The following TRAPPC12 variants were observed in gnomAD, a reference collection of about 807,000 sequenced individuals.
The protein encoded by TRAPPC12 is trafficking protein particle complex subunit 12, also known as TPR repeat protein 15.
In TRAPPC12, 61 loss-of-function variants were observed where a neutral mutation model predicts 69.2. The ratio of observed to expected loss-of-function variants is 0.88; its 90% confidence interval spans 0.72 to 1.09. TRAPPC12 has a LOEUF of 1.09. Among genes scored for constraint, TRAPPC12 ranks in the 50% least tolerant of loss-of-function variants. The pLI is 0.00. For missense variants in TRAPPC12, 1,101 were observed against 1,016.4 expected, an observed-to-expected ratio of 1.08 and a Z score of -1.13; for synonymous variants, 469 against 438.9, an observed-to-expected ratio of 1.07 and a Z score of -0.86.
intron 8 of TRAPPC12, chr2:3,463,107 A>G: frequency 5.2e-6 from 2 of 387,732 alleles, no homozygotes; most frequent in South Asian, 3.8e-5. Context: ...AGCCAAATCC[A>G]CAGGATCTGG....
intron 6 of TRAPPC12, among the ~76,000 whole-genome samples, chr2:3,453,219 C>T (rs1664943148): frequency 6.6e-6 from 1 of 152,234 alleles, no homozygotes; most frequent in Admixed American, 6.5e-5. Context: ...GCGCCCCCAT[C>T]TGTAAAATAC....
intron 9 of TRAPPC12, among the ~76,000 whole-genome samples, chr2:3,468,490 T>A (rs1665922676): frequency 6.6e-6 from 1 of 151,942 alleles, no homozygotes; most frequent in Non-Finnish European, 1.5e-5. Flanking sequence ...AGTTTATCCA[T>A]GTGAAATCCT....
At chr2:3,407,768 C>G (rs770699575) in intron 3 of TRAPPC12, among the ~76,000 whole-genome samples, 101 of 151,628 alleles carry the variant, frequency 6.7e-4, no homozygotes, top group South Asian at 1.0e-3. Context: ...TGCACTCCAG[C>G]CTGGGCGACA....
chr2:3,446,529 A>G (rs752204775), intron 6 of TRAPPC12, among the ~76,000 whole-genome samples: 3 of 152,206 alleles, frequency 2.0e-5, no homozygotes, highest in Non-Finnish European at 4.4e-5. Flanking sequence ...CTTTGGCAGG[A>G]GAAGAAGCAC....
chr2:3,426,743 G>T (rs943856009), intron 5 of TRAPPC12, among the ~76,000 whole-genome samples: 1 of 152,024 alleles, frequency 6.6e-6, no homozygotes, highest in Admixed American at 6.5e-5. Flanking sequence ...CACTGTCCTC[G>T]AGGAGCAGGG....
rs1350381543 is a variant in TRAPPC12, at chr2:3,388,403, C to T, written c.780C>T (p.Pro260=). The change falls in exon 2 of 12, where the codon CCC becomes CCT. Residue 260 remains proline (P), a synonymous_variant. Transcript: ENST00000324266. Reference sequence around the variant, plus strand: ...CTGTGCCCGGGACCGAGGGGCGCCCCGAACCCGTGGCCATGCGAGGGCCCC... The same window carrying T: ...CTGTGCCCGGGACCGAGGGGCGCCCTGAACCCGTGGCCATGCGAGGGCCCC... ...PLAVPGTEGR[P]EPVAMRGPQA... is the part of the protein sequence containing the mutation. 3 of 1,603,364 alleles carry T rather than the reference C, an allele frequency of 1.9e-6. No individual in the cohort carries two copies. Among genetic ancestry groups the T allele is most frequent in the Non-Finnish European group, 2.6e-6 (3 of 1,175,086 alleles).
At chr2:3,448,778 C>T (rs548450441) in intron 6 of TRAPPC12, among the ~76,000 whole-genome samples, 3 of 151,970 alleles carry the variant, frequency 2.0e-5, no homozygotes, top group African/African-American at 7.2e-5. Flanking sequence ...TACACGAGGG[C>T]GGAGGGCGTG....
intron 8 of TRAPPC12, chr2:3,463,170 G>C: frequency 3.3e-6 from 1 of 302,658 alleles, no homozygotes; most frequent in South Asian, 2.5e-5. Context: ...TACCTGTGAA[G>C]GGCTGTTTCC....
intron 6 of TRAPPC12, among the ~76,000 whole-genome samples, chr2:3,452,285 G>A (rs974189079): frequency 6.6e-6 from 1 of 152,214 alleles, no homozygotes; most frequent in Admixed American, 6.5e-5. Flanking sequence ...CAGAGAGGGA[G>A]GGAGGAGGAG....
intron 5 of TRAPPC12, among the ~76,000 whole-genome samples, chr2:3,439,052 G>T (rs1664051627): frequency 6.6e-6 from 1 of 152,040 alleles, no homozygotes; most frequent in African/African-American, 2.4e-5. Context: ...ATACTATTTT[G>T]CTTTCCTAAG....
intron 5 of TRAPPC12, among the ~76,000 whole-genome samples, chr2:3,430,051 A>G (rs938081498): frequency 3.9e-5 from 6 of 152,218 alleles, no homozygotes; most frequent in Non-Finnish European, 8.8e-5. Flanking sequence ...AAATACATAT[A>G]CAGAGAGAGA....
At chr2:3,424,073 G>T (rs957717050) in intron 4 of TRAPPC12, among the ~76,000 whole-genome samples, 15 of 152,036 alleles carry the variant, frequency 9.9e-5, no homozygotes, top group African/African-American at 3.6e-4. Context: ...TCATTCCCCC[G>T]CCCTCCACTA....
intron 3 of TRAPPC12, among the ~76,000 whole-genome samples, chr2:3,410,051 T>A (rs1661971936): frequency 6.6e-6 from 1 of 152,234 alleles, no homozygotes; most frequent in African/African-American, 2.4e-5. Flanking sequence ...CTCTGCCACG[T>A]GCTCTTTTGT....
At chr2:3,469,669 G>A (rs1190032217) in intron 9 of TRAPPC12, among the ~76,000 whole-genome samples, 1 of 152,148 alleles carries the variant, frequency 6.6e-6, no homozygotes, top group Non-Finnish European at 1.5e-5. Flanking sequence ...TCCTGCTTCC[G>A]CTGCCTCCTC....
At chr2:3,446,270 G>C (rs766211875) in intron 6 of TRAPPC12, among the ~76,000 whole-genome samples, 2 of 152,198 alleles carry the variant, frequency 1.3e-5, no homozygotes, top group Non-Finnish European at 2.9e-5. Context: ...TGAGGAAATC[G>C]CAATTCGTTC....
At chr2:3,431,226 G>A (rs922736215) in intron 5 of TRAPPC12, among the ~76,000 whole-genome samples, 4 of 152,230 alleles carry the variant, frequency 2.6e-5, no homozygotes, top group African/African-American at 4.8e-5. Flanking sequence ...TGCACTTAAC[G>A]TGAGTGCTCC....
intron 3 of TRAPPC12, among the ~76,000 whole-genome samples, chr2:3,415,452 C>A (rs1662321874): frequency 6.8e-6 from 1 of 147,020 alleles, no homozygotes; most frequent in Admixed American, 6.6e-5. Flanking sequence ...GTGGCCCAGG[C>A]TGGAGTGCAG....
At chr2:3,463,403 G>A (rs13412662) in intron 8 of TRAPPC12, among the ~76,000 whole-genome samples, 5,862 of 151,618 alleles carry the variant, frequency 0.039, 339 homozygotes, top group African/African-American at 0.13. Context: ...CGGGTGCAGG[G>A]GCCCCCGAGA....
rs568723060 is a variant in TRAPPC12 at position 3,465,636 on chromosome 2, A to G, written c.1717A>G (p.Lys573Glu). 1.2e-5 allele frequency: 20 copies of G among 1,614,122 alleles called. No homozygotes were observed. In the East Asian group the frequency reaches 4.5e-4, roughly 36 times the overall value. Residue 573 changes from lysine (K) to glutamate (E), a missense_variant, in exon 9 of 12, where the codon AAG (lysine) becomes GAG (glutamate). Coordinates refer to ENST00000324266, the MANE Select transcript of TRAPPC12 (RefSeq NM_016030.6). ...CGTGGAGGCGTATCATTCGGTTATC[A>G]AGTATTACCCAGAGCAAGAGCCCCA... The part of the protein sequence containing the change: ...LAVEAYHSVI[K>E]YYPEQEPQLL...
Sources: gnomAD v4.1 joint callset for allele counts (sites outside exome capture counted in the v4.1 genomes callset) on GRCh38, gnomAD v4.1.1 for gene constraint, MANE v1.5 for transcripts, NCBI Gene and HGNC (gene_info 2026-07-23, HGNC 2026-07-21) for gene names.